The following NT5C1B variants were observed in gnomAD, a reference collection of about 807,000 sequenced individuals.
The protein encoded by NT5C1B is 5'-nucleotidase, cytosolic IB.
NT5C1B carries 44 observed loss-of-function variants against 57.8 expected under a neutral mutation model. The ratio of observed to expected loss-of-function variants is 0.76; its 90% CI spans 0.60 to 0.98. NT5C1B has a LOEUF of 0.98. Among genes scored for constraint, NT5C1B ranks in the 50% least tolerant of loss-of-function variants. The pLI, the probability that NT5C1B is intolerant of heterozygous loss-of-function variation, is 0.00. For missense variants in NT5C1B, 742 were observed against 719.5 expected (o/e 1.03, Z -0.36); for synonymous variants, 284 against 282.6 (o/e 1.00, Z -0.05).
At chr2:18,568,796 G>A (rs1439061174) in intron 8 of NT5C1B, among the ~76,000 whole-genome samples, 1 of 152,114 alleles carries the variant, frequency 6.6e-6, no homozygotes, top group African/African-American at 2.4e-5. Context: ...CCCGCTTGGA[G>A]TCTTCCTACC....
exon 9 of NT5C1B, chr2:18,563,759 C>T: frequency 6.8e-7 from 1 of 1,476,214 alleles, no homozygotes. Context: ...GCTTCTGTAA[C>T]ACCAGACTAT....
chr2:18,589,487 T>A (rs776664453), exon 1 of NT5C1B: 2 of 1,614,008 alleles, frequency 1.2e-6, no homozygotes, highest in Non-Finnish European at 1.7e-6. Flanking sequence ...CTGTTGAAAT[T>A]CTTTTGTTGT....
chr2:18,570,985 A>T (rs1665095583), intron 8 of NT5C1B, among the ~76,000 whole-genome samples: 2 of 152,122 alleles, frequency 1.3e-5, no homozygotes, highest in African/African-American at 4.8e-5. Flanking sequence ...TCAAAATTCA[A>T]CCTTCATTTA....
At chr2:18,587,648 T>G in intron 1 of NT5C1B, 56 bp from the exon 2 acceptor site, 9 of 1,566,256 alleles carry the variant, frequency 5.7e-6, no homozygotes, top group Non-Finnish European at 7.7e-6. Context: ...CATTAGGAAC[T>G]TTGGCTTTCA....
intron 6 of NT5C1B, among the ~76,000 whole-genome samples, chr2:18,582,318 G>A (rs533828613): frequency 1.3e-5 from 2 of 152,258 alleles, no homozygotes; most frequent in South Asian, 2.1e-4. Flanking sequence ...AATAATTCAG[G>A]TAGTTCCATA....
In NT5C1B at chr2:18,583,789, CATT is replaced by C. The variant is rs1666396675; in HGVS notation, c.891+296_891+298del. On this transcript the variant is annotated intron_variant, in intron 5 of 8. Transcript: ENST00000304081. ...TTTCTACTACTCAGGATCATAAACT[CATT>C]ATGGCTTCTTAGCACTCCTTCGAGG... 4 of 574,622 alleles carry C rather than the reference CATT, an allele frequency of 7.0e-6. No individual in the cohort carries two copies. The Admixed American group carries it at 8.8e-5, about 13-fold the overall frequency. The allele number at this position is 574,622 out of a possible 1,614,324, so 35.6% of individuals were successfully genotyped here. A position where few individuals can be genotyped will look rare whatever the true frequency, so the allele number is the denominator to read the frequency against.
intron 6 of NT5C1B, among the ~76,000 whole-genome samples, chr2:18,579,246 A>T (rs183665413): frequency 8.0e-4 from 122 of 152,354 alleles, no homozygotes; most frequent in African/African-American, 2.8e-3. Flanking sequence ...TGCTATTCCT[A>T]TCAAACTACC....
intron 8 of NT5C1B, among the ~76,000 whole-genome samples, chr2:18,565,374 C>T (rs992581294): frequency 6.6e-6 from 1 of 152,134 alleles, no homozygotes; most frequent in African/African-American, 2.4e-5. Context: ...TCAAAAACAT[C>T]TTATGGTAAT....
At chr2:18,567,785 A>G (rs1664777398) in intron 8 of NT5C1B, among the ~76,000 whole-genome samples, 1 of 152,372 alleles carries the variant, frequency 6.6e-6, no homozygotes, top group South Asian at 2.1e-4. Flanking sequence ...AGACTTAGTA[A>G]TGACCCAAGT....
At chr2:18,583,541 A>T in intron 5 of NT5C1B, 1 of 286,800 alleles carries the variant, frequency 3.5e-6, no homozygotes, top group Non-Finnish European at 6.8e-6. Flanking sequence ...CAACTTGTAG[A>T]GGTGTCATTT....
At chr2:18,564,093 A>G in exon 9 of NT5C1B, 1 of 1,588,000 alleles carries the variant, frequency 6.3e-7, no homozygotes, top group African/African-American at 1.4e-5. Flanking sequence ...GTCTGCCTAA[A>G]TCTTCCAGAA....
chr2:18,577,668 A>G (rs1420868812), intron 6 of NT5C1B, among the ~76,000 whole-genome samples: 2 of 151,974 alleles, frequency 1.3e-5, no homozygotes, highest in African/African-American at 2.4e-5. Context: ...AAAGATCACA[A>G]ATTAACAACA....
chr2:18,571,718 G>GTGTGTGTA (rs1246189018), intron 8 of NT5C1B, among the ~76,000 whole-genome samples: 83 of 111,374 alleles, frequency 7.5e-4, no homozygotes, highest in African/African-American at 2.2e-3. Context: ...CTGTGTGTGT[G>GTGTGTGTA]TATATATATA....
At position 18,578,528 on chromosome 2, in the gene NT5C1B, T is replaced by A. The variant is rs962275118; in HGVS notation, c.1022-1633A>T. ...AAAAGAACTAAAAGTTCTTAAACTT[T>A]TAGTTCAGAACTAAAAGTAAAAACT... On this transcript the variant is annotated intron_variant, in intron 6 of 8. Transcript: ENST00000304081. Among the ~76,000 whole-genome samples the A allele has an allele frequency of 2.6e-5, 4 of 152,124 alleles. No homozygotes were observed. The East Asian group carries it at 7.7e-4, about 29-fold the overall frequency.
At chr2:18,577,131 T>A (rs1306188307) in intron 6 of NT5C1B, among the ~76,000 whole-genome samples, 1 of 152,198 alleles carries the variant, frequency 6.6e-6, no homozygotes, top group Non-Finnish European at 1.5e-5. Flanking sequence ...ACATTACAGT[T>A]TATGGGCATA....
rs770714398 is a variant in NT5C1B, at chr2:18,584,225, G to C, written c.754C>G (p.Leu252Val). Residue 252 changes from leucine (L) to valine (V), a missense_variant, in exon 5 of 9, where the codon CTC becomes GTC. Physicochemically the swap from Leu to Val is conservative, Grantham distance 32. Coordinates refer to ENST00000304081, the Ensembl canonical transcript of NT5C1B. The surrounding 1 kb of genome is among the most constrained non-coding windows in gnomAD (Gnocchi z 5.8). ...ATGTTGAAGAGCGCGCAGGATGAGAGAGCAATGGTGATGGCGTTCTTGGGT... is the reference window on the plus strand; with the variant it reads ...ATGTTGAAGAGCGCGCAGGATGAGACAGCAATGGTGATGGCGTTCTTGGGT... The C allele has an allele frequency of 6.2e-7, 1 of 1,614,096 alleles. No individual in the cohort carries two copies. Among genetic ancestry groups the C allele is most frequent in the South Asian group, 1.1e-5 (1 of 91,072 alleles).
rs1666549896 is a variant in NT5C1B, at chr2:18,584,874, C to A, written c.363G>T (p.Ala121=). 1.9e-6 allele frequency: 3 copies of A among 1,595,584 alleles called. No homozygotes were observed. The highest frequency in any genetic ancestry group is 2.6e-6 in the Non-Finnish European group (3 of 1,173,576). Reference sequence around the variant, plus strand: ...CCAGCGACCGGGGCAGCTGGGGCGACGCGGGTGGCTGGAGCGAGGGCTGCC... The same window carrying A: ...CCAGCGACCGGGGCAGCTGGGGCGAAGCGGGTGGCTGGAGCGAGGGCTGCC... Residue 121 remains alanine, a synonymous_variant, in exon 4 of 9, where the codon GCG becomes GCT. Coordinates refer to ENST00000304081, the Ensembl canonical transcript of NT5C1B. This position sits in a 1 kb window ranked among gnomAD's most constrained non-coding sequence, Gnocchi z 5.8.
At chr2:18,564,202 A>G in intron 8 of NT5C1B, 83 bp from the exon 9 acceptor site, 3 of 1,436,722 alleles carry the variant, frequency 2.1e-6, no homozygotes, top group Non-Finnish European at 2.8e-6. Context: ...ATATGATACG[A>G]TACAATACAA....
chr2:18,565,263 A>T (rs1005584700), intron 8 of NT5C1B, among the ~76,000 whole-genome samples: 5 of 152,032 alleles, frequency 3.3e-5, no homozygotes, highest in African/African-American at 1.2e-4. Flanking sequence ...CGGTTGTTTT[A>T]GTTTTAATTC....
Sources: gnomAD v4.1 joint callset for allele counts (sites outside exome capture counted in the v4.1 genomes callset) on GRCh38, gnomAD v4.1.1 for gene constraint, Gnocchi (gnomAD v3.1) non-coding constraint, MANE v1.5 for transcripts, NCBI Gene and HGNC (gene_info 2026-07-23, HGNC 2026-07-21) for gene names.